Variants in FAM13A observed in about 807,000 individuals in gnomAD.
FAM13A encodes protein FAM13A.
A neutral mutation model predicts 129.6 loss-of-function variants in FAM13A; 76 were observed. The ratio of observed to expected loss-of-function variants is 0.59; its 90% CI spans 0.49 to 0.71. FAM13A has a LOEUF of 0.71. Ranked by LOEUF, FAM13A falls within the 30% of genes least tolerant of loss-of-function variation. The probability of loss-of-function intolerance (pLI) is 0.00; values close to 1 mark genes in which losing one functional copy is unlikely to be tolerated. For synonymous variants in FAM13A, 443 were observed against 449.9 expected (o/e 0.98, Z 0.20); for missense variants, 1,108 against 1,249.3 (o/e 0.89, Z 1.70).
At chr4:89,054,525 GTCTC>G (rs997007762) in intron 1 of FAM13A, among the ~76,000 whole-genome samples, 1 of 152,034 alleles carries the variant, frequency 6.6e-6, no homozygotes, top group Non-Finnish European at 1.5e-5. Context: ...CAGAACCAAG[GTCTC>G]TCTCTGCCTT....
At chr4:88,806,743 G>C (rs1728640723) in intron 7 of FAM13A, among the ~76,000 whole-genome samples, 1 of 152,106 alleles carries the variant, frequency 6.6e-6, no homozygotes, top group African/African-American at 2.4e-5. Context: ...TGTAGAATTA[G>C]GTTGCAGGGT....
rs182757349 is a variant in FAM13A, at chr4:88,832,096, G to A, written c.1007+18924C>T. Among the ~76,000 whole-genome samples the A allele has an allele frequency of 3.0e-3, 463 of 152,120 alleles. 1 individual carries two copies. Among genetic ancestry groups the A allele is most frequent in the Non-Finnish European group, 4.6e-3 (312 of 67,978 alleles). On this transcript the variant is annotated intron_variant, in intron 7 of 23. Coordinates refer to ENST00000264344, the MANE Select transcript of FAM13A (RefSeq NM_014883.4). ...GAAATAACATTGCACACCTAAAACC[G>A]TCTGATCTTCAATAAACCTGACAAA...
At chr4:88,874,038 C>G (rs1425245936) in intron 6 of FAM13A, among the ~76,000 whole-genome samples, 2 of 152,118 alleles carry the variant, frequency 1.3e-5, no homozygotes, top group East Asian at 1.9e-4. Context: ...AAGACAAAAC[C>G]ACATGATTAT....
intron 4 of FAM13A, among the ~76,000 whole-genome samples, chr4:88,982,487 G>A (rs1761765452): frequency 6.6e-6 from 1 of 152,190 alleles, no homozygotes; most frequent in South Asian, 2.1e-4. Flanking sequence ...AACTCTGTGG[G>A]TCCTGTTTTA....
chr4:88,769,653 G>GA (rs1720227945), intron 11 of FAM13A, among the ~76,000 whole-genome samples: 1 of 152,076 alleles, frequency 6.6e-6, no homozygotes, highest in African/African-American at 2.4e-5. Context: ...CCAACATAGT[G>GA]AAACCCCATC....
chr4:89,001,424 A>G (rs1360263940), intron 3 of FAM13A, among the ~76,000 whole-genome samples: 1 of 152,238 alleles, frequency 6.6e-6, no homozygotes, highest in Non-Finnish European at 1.5e-5. Context: ...TATGTTTGGC[A>G]TTGCTTATAG....
At chr4:88,892,810 C>T (rs1331640465) in intron 6 of FAM13A, among the ~76,000 whole-genome samples, 2 of 151,842 alleles carry the variant, frequency 1.3e-5, no homozygotes, top group African/African-American at 4.8e-5. Context: ...TGATAAAAGG[C>T]TTGAAAAAGA....
At position 88,727,797 on chromosome 4, in the gene FAM13A, A is replaced by G. The variant is rs1288785927; in HGVS notation, c.*736T>C. ...CCCATGACCTGGTTTTAAAATCAGC[A>G]TTCATACAGCTGCTTACCATCTCTC... On this transcript the variant is annotated 3_prime_UTR_variant, in exon 24 of 24. Transcript: ENST00000264344. The G allele has an allele frequency of 6.6e-6, 1 of 152,218 alleles. No homozygotes were observed. Among genetic ancestry groups the G allele is most frequent in the East Asian group, 1.9e-4 (1 of 5,198 alleles). The allele number at this position is 152,218 out of a possible 1,614,324, so 9.4% of individuals were successfully genotyped here. A position where few individuals can be genotyped will look rare whatever the true frequency, so the allele number is the denominator to read the frequency against.
At chr4:88,872,170 A>G (rs982362103) in intron 6 of FAM13A, among the ~76,000 whole-genome samples, 16 of 152,234 alleles carry the variant, frequency 1.1e-4, no homozygotes, top group African/African-American at 3.9e-4. Flanking sequence ...AGGAACAACC[A>G]GTACCAGCCA....
chr4:88,800,710 GAAAAAAA>G (rs527627636), intron 8 of FAM13A, among the ~76,000 whole-genome samples: 1 of 129,758 alleles, frequency 7.7e-6, no homozygotes, highest in Non-Finnish European at 1.7e-5. Context: ...AAAAAAAAAA[GAAAAAAA>G]AAAGAAAAAG....
rs933948858 is a variant in FAM13A at position 88,808,364 on chromosome 4, A to G, written c.1008-3312T>C. 2.0e-5 allele frequency among the ~76,000 whole-genome samples: 3 copies of G among 152,308 alleles called. No individual in the cohort carries two copies. In the East Asian group the frequency reaches 5.8e-4, roughly 29 times the overall value. ...CACAAACCAGAATGCACATTTGAAA[A>G]AATTACCATTTTTATACAGCTGTAC... On this transcript the variant is annotated intron_variant, in intron 7 of 23. Transcript: ENST00000264344.
chr4:88,973,252 C>A (rs1015806677), intron 4 of FAM13A, among the ~76,000 whole-genome samples: 1 of 151,036 alleles, frequency 6.6e-6, no homozygotes, highest in Non-Finnish European at 1.5e-5. Context: ...GTTCCTTTCT[C>A]TATTTCTTCT....
At chr4:88,754,005 ATTAT>A (rs1293303464) in intron 14 of FAM13A, among the ~76,000 whole-genome samples, 3 of 152,210 alleles carry the variant, frequency 2.0e-5, no homozygotes, top group African/African-American at 7.2e-5. Flanking sequence ...TTGCAAGAAA[ATTAT>A]TTAAAGGGAA....
chr4:88,943,871 C>G (rs1412524709), intron 4 of FAM13A, among the ~76,000 whole-genome samples: 1 of 152,050 alleles, frequency 6.6e-6, no homozygotes, highest in Non-Finnish European at 1.5e-5. Context: ...TCTTTTAATG[C>G]TTTGTTTTTC....
chr4:88,818,979 T>C (rs1731360445), intron 7 of FAM13A, among the ~76,000 whole-genome samples: 1 of 152,206 alleles, frequency 6.6e-6, no homozygotes, highest in Non-Finnish European at 1.5e-5. Context: ...TAAAGAGCGA[T>C]GCTTAGGAAG....
intron 3 of FAM13A, among the ~76,000 whole-genome samples, chr4:89,007,338 T>C (rs6849143): frequency 0.54 from 82,167 of 151,992 alleles, 22,776 homozygotes; most frequent in Middle Eastern, 0.7. Flanking sequence ...GAGAAGCCAG[T>C]TACCATGTTA....
intron 3 of FAM13A, among the ~76,000 whole-genome samples, chr4:89,000,432 T>A (rs148201417): frequency 4.6e-5 from 7 of 152,312 alleles, no homozygotes; most frequent in African/African-American, 1.7e-4. Context: ...AAGTACCACA[T>A]ACTGTGTGAT....
intron 4 of FAM13A, among the ~76,000 whole-genome samples, chr4:88,960,590 G>GTTGCTTCCTGA (rs1758454945): frequency 6.6e-6 from 1 of 152,140 alleles, no homozygotes; most frequent in African/African-American, 2.4e-5. Context: ...GAAGTATTAA[G>GTTGCTTCCTGA]ATGACTATGT....
chr4:88,743,948 C>A (rs2149445149), intron 19 of FAM13A, among the ~76,000 whole-genome samples: 1 of 152,240 alleles, frequency 6.6e-6, no homozygotes, highest in East Asian at 1.9e-4. Flanking sequence ...AAGGAGAAGA[C>A]AAAATGGGAT....
Sources: gnomAD v4.1 joint callset for allele counts (sites outside exome capture counted in the v4.1 genomes callset) on GRCh38, gnomAD v4.1.1 for gene constraint, MANE v1.5 for transcripts, NCBI Gene and HGNC (gene_info 2026-07-23, HGNC 2026-07-21) for gene names.